PRKAR1A: variants seen among roughly 807,000 people sequenced by gnomAD.
PRKAR1A encodes protein kinase cAMP-dependent type I regulatory subunit alpha.
PRKAR1A carries 3 observed loss-of-function variants against 52.0 expected under a neutral mutation model. The observed-to-expected ratio is 0.06, with a 90% confidence interval of 0.03 to 0.15. The LOEUF is 0.15. Among genes scored for constraint, PRKAR1A ranks in the 10% least tolerant of loss-of-function variants. The probability of loss-of-function intolerance (pLI) is 1.00; values close to 1 mark genes in which losing one functional copy is unlikely to be tolerated. For synonymous variants in PRKAR1A, 188 were observed against 168.4 expected (o/e 1.12, Z -0.90); for missense variants, 240 against 477.4 (o/e 0.50, Z 4.63).
At chr17:68,550,897 T>C (rs542852176) in intron 11 of PRKAR1A, among the ~76,000 whole-genome samples, 3 of 152,230 alleles carry the variant, frequency 2.0e-5, no homozygotes, top group African/African-American at 7.2e-5. Context: ...AAACTCTTTA[T>C]TCGGTGCTTA....
At chr17:68,474,699 T>C in the PRKAR1A span, among the ~76,000 whole-genome samples, 1 of 151,988 alleles carries the variant, frequency 6.6e-6, no homozygotes, top group African/African-American at 2.4e-5. Flanking sequence ...ATCGAGACCA[T>C]CCTGGTAAAC....
At chr17:68,498,446 C>T in the PRKAR1A span, among the ~76,000 whole-genome samples, 12 of 152,058 alleles carry the variant, frequency 7.9e-5, no homozygotes, top group East Asian at 2.3e-3. Flanking sequence ...TTTGTGAATA[C>T]GTGTGGGTAT....
chr17:68,537,551 G>C (rs760125148), downstream of PRKAR1A: 17 of 1,613,594 alleles, frequency 1.1e-5, no homozygotes, highest in East Asian at 3.8e-4. The surrounding 1 kb of genome is among the most constrained non-coding windows in gnomAD (Gnocchi z 4.2). Flanking sequence ...ACACTCTGCT[G>C]TCCATGGGCC....
chr17:68,537,426 T>A (rs1192853755), downstream of PRKAR1A: 2 of 1,611,914 alleles, frequency 1.2e-6, no homozygotes, highest in Non-Finnish European at 1.7e-6. This position sits in a 1 kb window ranked among gnomAD's most constrained non-coding sequence, Gnocchi z 4.2. Flanking sequence ...GGCACTCGAG[T>A]CGACTGCTCT....
At chr17:68,501,439 T>C in the PRKAR1A span, among the ~76,000 whole-genome samples, 1 of 152,188 alleles carries the variant, frequency 6.6e-6, no homozygotes, top group Non-Finnish European at 1.5e-5. Context: ...AAGCTGATGA[T>C]TTCAAAACCC....
At chr17:68,458,656 C>T in the PRKAR1A span, among the ~76,000 whole-genome samples, 1 of 152,200 alleles carries the variant, frequency 6.6e-6, no homozygotes, top group East Asian at 1.9e-4. Context: ...TAAACCTTAA[C>T]AAAGAATCTC....
intron 2 of PRKAR1A, among the ~76,000 whole-genome samples, chr17:68,522,092 T>C (rs778025899): frequency 2.0e-5 from 3 of 152,276 alleles, no homozygotes; most frequent in Non-Finnish European, 2.9e-5. Flanking sequence ...AGAAGTATTA[T>C]AGATACGATC....
the PRKAR1A span, among the ~76,000 whole-genome samples, chr17:68,437,789 T>C: frequency 2.6e-5 from 4 of 151,920 alleles, no homozygotes; most frequent in Admixed American, 6.5e-5. Context: ...GCTGTTTTTA[T>C]TTATAAGGGG....
chr17:68,520,462 A>G (rs972567073), intron 2 of PRKAR1A, among the ~76,000 whole-genome samples: 1 of 152,116 alleles, frequency 6.6e-6, no homozygotes, highest in African/African-American at 2.4e-5. Context: ...CTAATTTTTA[A>G]TTTTTTATTG....
the PRKAR1A span, among the ~76,000 whole-genome samples, chr17:68,485,285 C>A: frequency 2.6e-5 from 4 of 152,106 alleles, no homozygotes; most frequent in Admixed American, 2.6e-4. Context: ...GCTGAGTGAC[C>A]CCTAAAATGA....
At chr17:68,497,024 A>G in the PRKAR1A span, among the ~76,000 whole-genome samples, 1 of 151,814 alleles carries the variant, frequency 6.6e-6, no homozygotes, top group Non-Finnish European at 1.5e-5. Flanking sequence ...GGGTTTTGCC[A>G]TGCTGCTCAG....
the PRKAR1A span, chr17:68,422,731 C>CAAAAAA: frequency 4.5e-5 from 3 of 66,428 alleles, no homozygotes; most frequent in Admixed American, 2.1e-4. Flanking sequence ...TCTATCATCT[C>CAAAAAA]AAAAAAAAAA....
At chr17:68,427,733 C>CAAAG in the PRKAR1A span, among the ~76,000 whole-genome samples, 1 of 152,196 alleles carries the variant, frequency 6.6e-6, no homozygotes, top group Non-Finnish European at 1.5e-5. Flanking sequence ...ATTGGCTAGA[C>CAAAG]AAAGATTAGT....
At chr17:68,453,407 T>C in the PRKAR1A span, among the ~76,000 whole-genome samples, 1 of 151,992 alleles carries the variant, frequency 6.6e-6, no homozygotes, top group South Asian at 2.1e-4. Context: ...ACCAGATAAA[T>C]CAGTTTTTCT....
the PRKAR1A span, among the ~76,000 whole-genome samples, chr17:68,448,638 C>T: frequency 6.6e-6 from 1 of 152,140 alleles, no homozygotes; most frequent in Admixed American, 6.6e-5. Flanking sequence ...ATCATACAAG[C>T]AAATACAATA....
chr17:68,436,521 G>A, the PRKAR1A span: 1 of 1,585,856 alleles, frequency 6.3e-7, no homozygotes, highest in Non-Finnish European at 8.7e-7. Context: ...TGGGGCCAAG[G>A]GAGAGATTGC....
At chr17:68,463,546 A>G in the PRKAR1A span, among the ~76,000 whole-genome samples, 1 of 152,168 alleles carries the variant, frequency 6.6e-6, no homozygotes, top group African/African-American at 2.4e-5. Context: ...GAAAAATGAG[A>G]TGTATAGTAT....
the PRKAR1A span, among the ~76,000 whole-genome samples, chr17:68,431,314 C>T: frequency 6.6e-6 from 1 of 152,180 alleles, no homozygotes; most frequent in Non-Finnish European, 1.5e-5. Flanking sequence ...CAGGAATCAT[C>T]ATCACAACCT....
chr17:68,452,900 A>G, the PRKAR1A span: 1 of 1,613,154 alleles, frequency 6.2e-7, no homozygotes, highest in Non-Finnish European at 8.5e-7. Flanking sequence ...TCTCTCTCAC[A>G]CACACTTACT....
Sources: allele counts gnomAD v4.1 joint callset (sites outside exome capture counted in the v4.1 genomes callset), GRCh38; gene constraint gnomAD v4.1.1; non-coding constraint Gnocchi (gnomAD v3.1); transcripts MANE v1.5; gene names NCBI Gene and HGNC (gene_info 2026-07-23, HGNC 2026-07-21).